Variants in TPTE2 observed in about 807,000 individuals in gnomAD.
TPTE2 encodes phosphatidylinositol 3,4,5-trisphosphate 3-phosphatase TPTE2.
A neutral mutation model predicts 78.6 loss-of-function variants in TPTE2; 53 were observed. The ratio of observed to expected loss-of-function variants is 0.67; its 90% confidence interval spans 0.54 to 0.85. The LOEUF (loss-of-function observed/expected upper bound fraction) is 0.85. Ranked by LOEUF, TPTE2 falls within the 40% of genes least tolerant of loss-of-function variation. The pLI is 0.00. For missense variants in TPTE2, 461 were observed against 623.0 expected, an observed-to-expected ratio of 0.74 and a Z score of 2.77; for synonymous variants, 175 against 206.2, an observed-to-expected ratio of 0.85 and a Z score of 1.30.
At chr13:19,512,336 C>A (rs1355524973) in intron 1 of TPTE2, among the ~76,000 whole-genome samples, 1 of 152,188 alleles carries the variant, frequency 6.6e-6, no homozygotes, top group Non-Finnish European at 1.5e-5. Flanking sequence ...TCATAGTCTA[C>A]TTTTTGTTAA....
chr13:19,501,803 G>A (rs1162385366), intron 1 of TPTE2, among the ~76,000 whole-genome samples: 3 of 151,798 alleles, frequency 2.0e-5, no homozygotes, highest in African/African-American at 4.8e-5. Context: ...TTGACAAATG[G>A]GATCTAATTA....
chr13:19,522,038 G>A (rs1050770322), intron 1 of TPTE2, among the ~76,000 whole-genome samples: 9 of 151,998 alleles, frequency 5.9e-5, no homozygotes, highest in Admixed American at 6.6e-5. Flanking sequence ...TTTGTTTACC[G>A]AGGAATGTCT....
intron 1 of TPTE2, among the ~76,000 whole-genome samples, chr13:19,534,081 C>T (rs1272079903): frequency 6.6e-6 from 1 of 152,138 alleles, no homozygotes; most frequent in Non-Finnish European, 1.5e-5. Context: ...AAGTCAAGTG[C>T]CTTTAATACA....
exon 15 of TPTE2, chr13:19,436,228 G>T (rs963576940): frequency 6.2e-7 from 1 of 1,610,532 alleles, no homozygotes; most frequent in Non-Finnish European, 8.5e-7. Flanking sequence ...AAACTTACCT[G>T]AGAAGGAGTT....
chr13:19,559,746 C>T, the TPTE2 span, among the ~76,000 whole-genome samples: 3 of 136,224 alleles, frequency 2.2e-5, no homozygotes, highest in African/African-American at 5.1e-5. Context: ...CCTGTGGCTT[C>T]GGCAAGGCCC....
intron 1 of TPTE2, among the ~76,000 whole-genome samples, chr13:19,508,369 C>G (rs1022149330): frequency 2.2e-4 from 33 of 152,204 alleles, no homozygotes; most frequent in African/African-American, 7.0e-4. Flanking sequence ...TGTAGCAAAA[C>G]TACTGGAACA....
chr13:19,510,434 C>A (rs963537684), intron 1 of TPTE2, among the ~76,000 whole-genome samples: 1 of 146,694 alleles, frequency 6.8e-6, no homozygotes, highest in Admixed American at 6.6e-5. Flanking sequence ...GTGGGGGAAG[C>A]CACTGGTCTC....
intron 1 of TPTE2, among the ~76,000 whole-genome samples, chr13:19,515,633 C>A (rs1289980842): frequency 1.3e-5 from 2 of 152,096 alleles, no homozygotes; most frequent in Non-Finnish European, 2.9e-5. Context: ...AAAAACAATA[C>A]CTTTTACAAG....
chr13:19,547,345 AT>A, the TPTE2 span, among the ~76,000 whole-genome samples: 2 of 152,228 alleles, frequency 1.3e-5, no homozygotes, highest in African/African-American at 2.4e-5. Context: ...CACCATTGAT[AT>A]CAGTTTTTAT....
chr13:19,428,566 G>A (rs969784761), intron 17 of TPTE2, among the ~76,000 whole-genome samples: 3 of 152,072 alleles, frequency 2.0e-5, no homozygotes, highest in Admixed American at 6.5e-5. Flanking sequence ...CAGGCTGCTT[G>A]AGCCCAGGAG....
At position 19,489,692 on chromosome 13, in the gene TPTE2, ATAC is replaced by A. The variant is rs1176235261; in HGVS notation, c.119+3155_119+3157del. ...CAAATACATATTTATATATCTATATATACTACATATATAGCTAAAAGATATATC... is the reference window on the plus strand; with the variant it reads ...CAAATACATATTTATATATCTATATATACATATATAGCTAAAAGATATATC... On this transcript the variant is annotated intron_variant, in intron 3 of 19. Coordinates refer to ENST00000400230, the Ensembl canonical transcript of TPTE2. Among the ~76,000 whole-genome samples the A allele has an allele frequency of 1.0e-4, 15 of 150,532 alleles. No homozygotes were observed. The Admixed American group carries it at 1.0e-3, about 10-fold the overall frequency.
intron 10 of TPTE2, among the ~76,000 whole-genome samples, chr13:19,462,590 T>C (rs1179642157): frequency 6.6e-6 from 1 of 151,776 alleles, no homozygotes; most frequent in Non-Finnish European, 1.5e-5. Context: ...TCACCCAGGC[T>C]GTAGTGCAGT....
intron 1 of TPTE2, among the ~76,000 whole-genome samples, chr13:19,518,386 A>G (rs1465892237): frequency 5.3e-5 from 8 of 152,214 alleles, no homozygotes; most frequent in Non-Finnish European, 8.8e-5. Context: ...AATTTTGAGT[A>G]TAAGAAAAAA....
intron 3 of TPTE2, among the ~76,000 whole-genome samples, chr13:19,484,297 G>C (rs186145428): frequency 3.1e-4 from 47 of 152,200 alleles, no homozygotes; most frequent in African/African-American, 1.1e-3. Context: ...TGAATGTCTA[G>C]TTTTATTCCA....
At position 19,451,152 on chromosome 13, in the gene TPTE2, G is replaced by A. The variant is rs1878151907; in HGVS notation, c.802+13C>T. The A allele has an allele frequency of 1.2e-6, 2 of 1,612,818 alleles. No individual in the cohort carries two copies. The highest frequency in any genetic ancestry group is 1.7e-6 in the Non-Finnish European group (2 of 1,179,358). On this transcript the variant is annotated intron_variant, in intron 11 of 19. Transcript: ENST00000400230. ...TCTACCTACAGTAGCAAAATATAGA[G>A]TAATGTACATACTGCATAGATTGTA...
intron 17 of TPTE2, among the ~76,000 whole-genome samples, chr13:19,430,187 A>T (rs1239895254): frequency 1.3e-5 from 2 of 152,230 alleles, no homozygotes; most frequent in African/African-American, 4.8e-5. Context: ...TCCTTAATAC[A>T]TTCCTGGGAA....
At chr13:19,554,996 T>G in the TPTE2 span, among the ~76,000 whole-genome samples, 8 of 152,214 alleles carry the variant, frequency 5.3e-5, no homozygotes, top group East Asian at 1.2e-3. Context: ...TTTTCCACCA[T>G]CATTAGGATC....
chr13:19,542,384 T>C, the TPTE2 span, among the ~76,000 whole-genome samples: 1 of 152,218 alleles, frequency 6.6e-6, no homozygotes, highest in African/African-American at 2.4e-5. Flanking sequence ...GTGGTCCTTT[T>C]TAAAACTTAG....
upstream of TPTE2, among the ~76,000 whole-genome samples, chr13:19,506,273 G>A (rs1374636702): frequency 1.8e-4 from 23 of 128,828 alleles, no homozygotes; most frequent in East Asian, 5.2e-4. Context: ...CCAGGTTCAC[G>A]CCATTCTCCT....
Sources: allele counts gnomAD v4.1 joint callset (sites outside exome capture counted in the v4.1 genomes callset), GRCh38; gene constraint gnomAD v4.1.1; transcripts MANE v1.5; gene names NCBI Gene and HGNC (gene_info 2026-07-23, HGNC 2026-07-21).